FGD4: variants seen among roughly 807,000 people sequenced by gnomAD.
FGD4 encodes FYVE, RhoGEF and PH domain containing 4.
FGD4 carries 42 observed loss-of-function variants against 102.0 expected under a neutral mutation model. The ratio of observed to expected loss-of-function variants is 0.41; its 90% CI spans 0.32 to 0.53. FGD4 has a LOEUF of 0.53. Among genes scored for constraint, FGD4 ranks in the 20% least tolerant of loss-of-function variants. The probability of loss-of-function intolerance (pLI) is 0.21; values close to 1 mark genes in which losing one functional copy is unlikely to be tolerated. For synonymous variants in FGD4, 380 were observed against 375.7 expected, an observed-to-expected ratio of 1.01 and a Z score of -0.13; for missense variants, 902 against 1,078.2, an observed-to-expected ratio of 0.84 and a Z score of 2.29.
chr12:32,526,741 CG>C (rs1295311390), intron 1 of FGD4, among the ~76,000 whole-genome samples: 3 of 152,082 alleles, frequency 2.0e-5, no homozygotes, highest in Non-Finnish European at 4.4e-5. Context: ...TAACACTCAC[CG>C]CGAAGATCTG....
chr12:32,633,827 G>C, intron 15 of FGD4, 138 bp downstream of exon 15: 1 of 756,162 alleles, frequency 1.3e-6, no homozygotes. Flanking sequence ...GGAATTACAG[G>C]CCCACGCCAC....
At chr12:32,464,433 G>A (rs1393346819) in intron 1 of FGD4, among the ~76,000 whole-genome samples, 8 of 152,140 alleles carry the variant, frequency 5.3e-5, no homozygotes, top group African/African-American at 1.7e-4. Context: ...GATTACAGAC[G>A]TGAGCCATTG....
chr12:32,619,897 C>T, intron 11 of FGD4, 27 bp downstream of exon 11: 2 of 1,613,154 alleles, frequency 1.2e-6, no homozygotes, highest in Non-Finnish European at 1.7e-6. Context: ...TATCACACTG[C>T]TTTCCAAAAT....
At chr12:32,563,103 C>A (rs1176893993) in intron 1 of FGD4, among the ~76,000 whole-genome samples, 1 of 150,994 alleles carries the variant, frequency 6.6e-6, no homozygotes, top group Non-Finnish European at 1.5e-5. Flanking sequence ...TGACCCCCCC[C>A]ACCTCCCTCC....
intron 1 of FGD4, among the ~76,000 whole-genome samples, chr12:32,516,980 C>A (rs777514058): frequency 6.6e-6 from 1 of 152,056 alleles, no homozygotes. Flanking sequence ...TAATTTAAAT[C>A]GGGCAATTTC....
chr12:32,516,334 G>A (rs1939876661), intron 1 of FGD4, among the ~76,000 whole-genome samples: 1 of 151,754 alleles, frequency 6.6e-6, no homozygotes, highest in Non-Finnish European at 1.5e-5. Context: ...TATAGAGAGG[G>A]AGTTCCACTC....
chr12:32,528,537 G>C (rs11052048), intron 1 of FGD4, among the ~76,000 whole-genome samples: 1 of 151,820 alleles, frequency 6.6e-6, no homozygotes, highest in African/African-American at 2.4e-5. Flanking sequence ...TTACAGGTGC[G>C]CACCACCACG....
intron 1 of FGD4, among the ~76,000 whole-genome samples, chr12:32,524,118 C>G (rs1168168654): frequency 1.3e-5 from 2 of 151,680 alleles, no homozygotes; most frequent in African/African-American, 4.8e-5. Context: ...ATAAATTGGC[C>G]GGGTGCGGTG....
chr12:32,564,287 A>C lies in FGD4; in HGVS notation c.317A>C (p.Gln106Pro), dbSNP rs1592238965. The change falls in exon 2 of 17, where the codon CAA becomes CCA. Residue 106 changes from glutamine to proline, a missense_variant and splice_region_variant. By Grantham distance (76) the Gln-to-Pro change is moderately conservative (BLOSUM62 -1). This residue lies in a region of FGD4 where 443 missense variants were observed against 459.2 expected (regional missense o/e 0.96). Coordinates refer to ENST00000534526, the MANE Select transcript of FGD4 (RefSeq NM_001370298.3). ...AKHSAASPKP[Q>P]VPPKPLHLQN... ...CACTCAGCTGCAAGTCCAAAGCCAC[A>C]AGGTATGCTCACTGGGAGTTTGTGT... 2 of 1,535,860 alleles carry C rather than the reference A, an allele frequency of 1.3e-6. No homozygotes were observed. The highest frequency in any genetic ancestry group is 1.7e-6 in the Non-Finnish European group (2 of 1,146,782).
intron 1 of FGD4, among the ~76,000 whole-genome samples, chr12:32,488,352 T>G (rs1434512073): frequency 6.6e-6 from 1 of 152,166 alleles, no homozygotes; most frequent in Non-Finnish European, 1.5e-5. Flanking sequence ...GCCTTCTATT[T>G]AAAACTTACA....
chr12:32,599,494 C>CAAAAAAAAAAAAAAAAAAAAAAAAAAA (rs777429838), intron 5 of FGD4, among the ~76,000 whole-genome samples: 4 of 19,696 alleles, frequency 2.0e-4, no homozygotes, highest in Non-Finnish European at 3.5e-4. Flanking sequence ...GACTCCGTCT[C>CAAAAAAAAAAAAAAAAAAAAAAAAAAA]AAAAAAAAAA....
intron 4 of FGD4, among the ~76,000 whole-genome samples, chr12:32,593,339 C>T (rs1307948156): frequency 6.6e-6 from 1 of 152,188 alleles, no homozygotes; most frequent in Non-Finnish European, 1.5e-5. Flanking sequence ...TACTCATCTC[C>T]ATCCCAAAAT....
At chr12:32,482,296 T>C (rs1943789323) in intron 1 of FGD4, among the ~76,000 whole-genome samples, 1 of 152,184 alleles carries the variant, frequency 6.6e-6, no homozygotes, top group Non-Finnish European at 1.5e-5. Flanking sequence ...CAGAGACAGA[T>C]GGGTAGGGAA....
At chr12:32,639,938 C>A (rs4438130) in intron 16 of FGD4, among the ~76,000 whole-genome samples, 72,839 of 152,002 alleles carry the variant, frequency 0.48, 18,038 homozygotes, top group Middle Eastern at 0.63. Flanking sequence ...TAATGAGATT[C>A]TCATTACTGT....
intron 2 of FGD4, among the ~76,000 whole-genome samples, chr12:32,573,637 T>A (rs922458436): frequency 2.6e-5 from 4 of 152,238 alleles, no homozygotes; most frequent in African/African-American, 9.6e-5. Flanking sequence ...TGTATCATCT[T>A]CAGATTTGTC....
intron 1 of FGD4, among the ~76,000 whole-genome samples, chr12:32,482,578 A>T (rs904139507): frequency 1.3e-5 from 2 of 152,224 alleles, no homozygotes; most frequent in African/African-American, 4.8e-5. Context: ...CTCTAAAATG[A>T]TCCCACTATT....
At chr12:32,470,090 A>T (rs906570665) in intron 1 of FGD4, among the ~76,000 whole-genome samples, 1 of 152,192 alleles carries the variant, frequency 6.6e-6, no homozygotes, top group Non-Finnish European at 1.5e-5. Flanking sequence ...TAATAGTATA[A>T]TATATTCACA....
intron 9 of FGD4, 67 bp downstream of exon 9, chr12:32,610,901 T>C: frequency 4.6e-6 from 7 of 1,515,236 alleles, no homozygotes; most frequent in Non-Finnish European, 5.5e-6. Flanking sequence ...GCCTCAATAC[T>C]ATGTAGATTT....
chr12:32,413,034 G>A (rs868387560), intron 1 of FGD4, among the ~76,000 whole-genome samples: 4 of 147,926 alleles, frequency 2.7e-5, no homozygotes, highest in African/African-American at 1.0e-4. Flanking sequence ...CCATAATTGC[G>A]CCACTGCACT....
Sources: allele counts gnomAD v4.1 joint callset (sites outside exome capture counted in the v4.1 genomes callset), GRCh38; gene constraint gnomAD v4.1.1; regional missense constraint gnomAD v4.1.1; transcripts MANE v1.5; gene names NCBI Gene and HGNC (gene_info 2026-07-23, HGNC 2026-07-21).